The following CHRM3 variants were observed in gnomAD, a reference collection of about 807,000 sequenced individuals.
The protein encoded by CHRM3 is muscarinic acetylcholine receptor M3.
A neutral mutation model predicts 41.8 loss-of-function variants in CHRM3; 11 were observed. That is an observed-to-expected ratio of 0.26 (90% CI 0.17 to 0.44). The LOEUF (loss-of-function observed/expected upper bound fraction) is 0.44. Among genes scored for constraint, CHRM3 ranks in the 20% least tolerant of loss-of-function variants. The pLI is 1.00. For synonymous variants in CHRM3, 297 were observed against 301.4 expected (o/e 0.99, Z 0.15); for missense variants, 571 against 745.4 (o/e 0.77, Z 2.72).
chr1:239,783,404 C>G (rs977908687), intron 5 of CHRM3, among the ~76,000 whole-genome samples: 3 of 152,014 alleles, frequency 2.0e-5, no homozygotes, highest in African/African-American at 7.2e-5. Context: ...AGAATGGACA[C>G]AGCTGAAGAT....
At chr1:239,412,095 A>G (rs529449915) in intron 1 of CHRM3, among the ~76,000 whole-genome samples, 1 of 151,504 alleles carries the variant, frequency 6.6e-6, no homozygotes, top group African/African-American at 2.4e-5. Flanking sequence ...TAATATTAAT[A>G]TGTTTTGACT....
intron 3 of CHRM3, among the ~76,000 whole-genome samples, chr1:239,566,535 A>C (rs1661378766): frequency 6.6e-6 from 1 of 152,172 alleles, no homozygotes; most frequent in African/African-American, 2.4e-5. Context: ...GTCTAGTTTT[A>C]GTTCCTTTTG....
At chr1:239,444,952 A>T (rs1469435000) in intron 1 of CHRM3, among the ~76,000 whole-genome samples, 5 of 152,206 alleles carry the variant, frequency 3.3e-5, no homozygotes, top group Non-Finnish European at 7.3e-5. Context: ...GGCAGTAAAG[A>T]CAAGAAGAGA....
At position 239,884,379 on chromosome 1, in the gene CHRM3, G is replaced by A. The variant is rs908570487; in HGVS notation, c.-19-23054G>A. On this transcript the variant is annotated intron_variant, in intron 6 of 6. Transcript: ENST00000676153. ...TGCCCAGAGCCACTAGAAACTGGAA[G>A]GGACAAGGAAAGGATTCTCTCCTAG... 2.0e-5 allele frequency among the ~76,000 whole-genome samples: 3 copies of A among 152,190 alleles called. No individual in the cohort carries two copies. In the South Asian group the frequency reaches 6.2e-4, roughly 32 times the overall value.
chr1:239,484,711 T>G (rs1375571311), intron 1 of CHRM3, among the ~76,000 whole-genome samples: 1 of 152,042 alleles, frequency 6.6e-6, no homozygotes. Flanking sequence ...AAATTATTTT[T>G]GAAAAATAAA....
At chr1:239,448,630 T>G (rs1664329465) in intron 1 of CHRM3, among the ~76,000 whole-genome samples, 1 of 152,144 alleles carries the variant, frequency 6.6e-6, no homozygotes, top group Admixed American at 6.6e-5. Flanking sequence ...AAAACTGAAA[T>G]AGTTTCTTAT....
chr1:239,605,140 T>C (rs1294459248), intron 3 of CHRM3, among the ~76,000 whole-genome samples: 2 of 152,186 alleles, frequency 1.3e-5, no homozygotes, highest in African/African-American at 4.8e-5. Flanking sequence ...TTACACTGAT[T>C]GCTAGGAAGA....
At chr1:239,466,687 C>T (rs1665753119) in intron 1 of CHRM3, among the ~76,000 whole-genome samples, 1 of 151,956 alleles carries the variant, frequency 6.6e-6, no homozygotes, top group African/African-American at 2.4e-5. Flanking sequence ...TGGTCTCAAA[C>T]TCTGGGCCTC....
intron 3 of CHRM3, among the ~76,000 whole-genome samples, chr1:239,583,453 A>G (rs1336110641): frequency 1.3e-5 from 2 of 152,202 alleles, no homozygotes; most frequent in Admixed American, 1.3e-4. Flanking sequence ...TATAAGGCAC[A>G]ATCCATGTCT....
chr1:239,820,576 A>G (rs373889237), intron 5 of CHRM3, among the ~76,000 whole-genome samples: 1 of 152,068 alleles, frequency 6.6e-6, no homozygotes, highest in Admixed American at 6.6e-5. Flanking sequence ...TTCGGGAGAG[A>G]TGTTGATGGG....
intron 5 of CHRM3, among the ~76,000 whole-genome samples, chr1:239,807,714 C>T (rs1670762566): frequency 6.6e-6 from 1 of 152,114 alleles, no homozygotes; most frequent in Non-Finnish European, 1.5e-5. Flanking sequence ...AGCTCATCAA[C>T]TTAATCACAT....
chr1:239,407,311 A>G (rs918400303), intron 1 of CHRM3, among the ~76,000 whole-genome samples: 7 of 151,852 alleles, frequency 4.6e-5, no homozygotes, highest in African/African-American at 1.7e-4. Flanking sequence ...TCTTCATAGC[A>G]TCTGTCACTG....
chr1:239,816,085 C>A (rs1269097146), intron 5 of CHRM3, among the ~76,000 whole-genome samples: 10 of 152,104 alleles, frequency 6.6e-5, no homozygotes, highest in Admixed American at 6.5e-4. Flanking sequence ...CCCTCACACC[C>A]TCCTCCCAAT....
chr1:239,866,428 A>G (rs1044851744), intron 6 of CHRM3, among the ~76,000 whole-genome samples: 6 of 152,128 alleles, frequency 3.9e-5, no homozygotes, highest in Non-Finnish European at 8.8e-5. Context: ...GCTTGCCCAA[A>G]ACTACAGCCA....
chr1:239,394,236 T>G (rs1387436950), intron 1 of CHRM3, among the ~76,000 whole-genome samples: 1 of 152,212 alleles, frequency 6.6e-6, no homozygotes, highest in Admixed American at 6.5e-5. Flanking sequence ...TTGGCAAGAC[T>G]GCACTTCCTC....
At chr1:239,701,989 A>G (rs1660731182) in intron 5 of CHRM3, among the ~76,000 whole-genome samples, 1 of 152,020 alleles carries the variant, frequency 6.6e-6, no homozygotes, top group South Asian at 2.1e-4. Flanking sequence ...CTAGATAATA[A>G]TTTTTCTATT....
rs1680431430 is a variant in CHRM3 at position 239,912,658 on chromosome 1, C to T, written c.*3434C>T. The T allele has an allele frequency of 6.0e-6, 1 of 167,130 alleles. No homozygotes were observed. The highest frequency in any genetic ancestry group is 2.1e-4 in the South Asian group (1 of 4,820). 10.4% of individuals were successfully genotyped at this position (167,130 alleles called of 1,614,324 possible). On this transcript the variant is annotated 3_prime_UTR_variant, in exon 7 of 7. Coordinates refer to ENST00000676153, the MANE Select transcript of CHRM3 (RefSeq NM_001375978.1). ...TGACTCAGGGAGGAAAGAAGGATGC[C>T]AAGGCTCTGTCACAGCGGAGAAGTC...
intron 1 of CHRM3, among the ~76,000 whole-genome samples, chr1:239,402,479 G>A (rs1460754154): frequency 6.6e-6 from 1 of 152,098 alleles, no homozygotes; most frequent in East Asian, 1.9e-4. Context: ...TCTGTAACAA[G>A]ACCTACAATT....
chr1:239,768,915 C>A (rs1667437477), intron 5 of CHRM3, among the ~76,000 whole-genome samples: 1 of 152,106 alleles, frequency 6.6e-6, no homozygotes, highest in South Asian at 2.1e-4. Context: ...CAGGCACGCG[C>A]CACCATGCCC....
Sources: gnomAD v4.1 joint callset for allele counts (sites outside exome capture counted in the v4.1 genomes callset) on GRCh38, gnomAD v4.1.1 for gene constraint, MANE v1.5 for transcripts, NCBI Gene and HGNC (gene_info 2026-07-23, HGNC 2026-07-21) for gene names.